The following FAM193A variants were observed in gnomAD, a reference collection of about 807,000 sequenced individuals.
FAM193A encodes family with sequence similarity 193 member A.
Under a neutral mutation model 126.5 loss-of-function variants are expected in FAM193A, and 22 were observed. The ratio of observed to expected loss-of-function variants is 0.17; its 90% confidence interval spans 0.12 to 0.25. FAM193A has a LOEUF of 0.25. Among genes scored for constraint, FAM193A ranks in the 10% least tolerant of loss-of-function variants. The pLI is 1.00. For synonymous variants in FAM193A, 761 were observed against 646.8 expected, an observed-to-expected ratio of 1.18 and a Z score of -2.68; for missense variants, 1,675 against 1,672.8, an observed-to-expected ratio of 1.00 and a Z score of -0.02.
intron 1 of FAM193A, among the ~76,000 whole-genome samples, chr4:2,590,754 G>A (rs530555491): frequency 2.6e-5 from 4 of 152,032 alleles, no homozygotes; most frequent in African/African-American, 7.2e-5. Context: ...TTGGCCAGGC[G>A]CAGTGGCTCA....
chr4:2,591,618 C>T (rs1178289042), intron 1 of FAM193A, among the ~76,000 whole-genome samples: 2 of 152,114 alleles, frequency 1.3e-5, no homozygotes, highest in Non-Finnish European at 2.9e-5. Flanking sequence ...TGTTTTTACC[C>T]TAAGATGACC....
At chr4:2,544,828 C>G (rs1737448324) in intron 1 of FAM193A, among the ~76,000 whole-genome samples, 3 of 152,018 alleles carry the variant, frequency 2.0e-5, no homozygotes, top group Admixed American at 1.3e-4. Flanking sequence ...TGTGGTTGTA[C>G]CACAACAGCA....
At chr4:2,609,796 T>G (rs754977516) in intron 2 of FAM193A, among the ~76,000 whole-genome samples, 8 of 152,042 alleles carry the variant, frequency 5.3e-5, no homozygotes, top group East Asian at 1.9e-4. Flanking sequence ...GGGTGTGGTG[T>G]TGTGCATCTG....
chr4:2,663,596 A>G (rs1351955250), intron 12 of FAM193A, among the ~76,000 whole-genome samples: 1 of 152,160 alleles, frequency 6.6e-6, no homozygotes, highest in Non-Finnish European at 1.5e-5. Flanking sequence ...TTTCCTGTTC[A>G]TTATCTGTTC....
chr4:2,626,223 C>T (rs71608219), intron 3 of FAM193A, among the ~76,000 whole-genome samples, 187 bp from the exon 4 acceptor site: 1,531 of 152,230 alleles, frequency 0.01, 9 homozygotes, highest in Middle Eastern at 0.02. Context: ...TAAGATCTTA[C>T]GCAGAGTGCA....
chr4:2,604,588 G>C (rs1741415686), intron 2 of FAM193A, among the ~76,000 whole-genome samples: 1 of 152,070 alleles, frequency 6.6e-6, no homozygotes, highest in Non-Finnish European at 1.5e-5. Context: ...CCCATCTGTG[G>C]TCGTGCCTTT....
chr4:2,669,054 G>A (rs936649796), intron 12 of FAM193A, among the ~76,000 whole-genome samples: 7 of 151,878 alleles, frequency 4.6e-5, no homozygotes, highest in Admixed American at 4.6e-4. Context: ...TGTTGGCCAG[G>A]CTGGTCTCAA....
At chr4:2,581,313 G>A (rs1739923961) in intron 1 of FAM193A, among the ~76,000 whole-genome samples, 1 of 150,034 alleles carries the variant, frequency 6.7e-6, no homozygotes. Flanking sequence ...GAATGCAGGG[G>A]CACAATCTTG....
chr4:2,699,332 AG>A (rs1028954862), intron 18 of FAM193A, among the ~76,000 whole-genome samples: 3 of 150,508 alleles, frequency 2.0e-5, no homozygotes, highest in African/African-American at 7.3e-5. Context: ...CGCACCTGTG[AG>A]GGGGTAGCTG....
At chr4:2,619,126 A>G (rs1251506765) in intron 2 of FAM193A, among the ~76,000 whole-genome samples, 4 of 151,794 alleles carry the variant, frequency 2.6e-5, no homozygotes, top group African/African-American at 9.7e-5. Context: ...TTTATGTCTT[A>G]TTTCTCAGCT....
At chr4:2,592,684 G>A (rs1740638339) in intron 1 of FAM193A, among the ~76,000 whole-genome samples, 1 of 152,214 alleles carries the variant, frequency 6.6e-6, no homozygotes, top group Non-Finnish European at 1.5e-5. Flanking sequence ...CTTGATTGAG[G>A]AGGCTGAGTT....
intron 2 of FAM193A, among the ~76,000 whole-genome samples, chr4:2,611,755 A>G (rs1342707621): frequency 1.3e-5 from 2 of 151,398 alleles, no homozygotes; most frequent in South Asian, 2.1e-4. Flanking sequence ...CTTCACAAAC[A>G]TTTTCTCTCA....
intron 10 of FAM193A, among the ~76,000 whole-genome samples, chr4:2,661,200 C>T (rs917419590): frequency 2.0e-5 from 3 of 152,150 alleles, no homozygotes; most frequent in South Asian, 2.1e-4. Flanking sequence ...CCTAGGTTCT[C>T]GGGACATCTG....
chr4:2,697,713 A>T (rs888460232), intron 18 of FAM193A, among the ~76,000 whole-genome samples: 1 of 152,248 alleles, frequency 6.6e-6, no homozygotes, highest in African/African-American at 2.4e-5. Context: ...TCGCAGTCCT[A>T]CAGTAGATTT....
chr4:2,667,740 G>A (rs1358864687), intron 12 of FAM193A, among the ~76,000 whole-genome samples: 1 of 151,952 alleles, frequency 6.6e-6, no homozygotes, highest in Non-Finnish European at 1.5e-5. Flanking sequence ...GTATATGTCA[G>A]TATCTGCCTT....
chr4:2,558,145 G>A (rs931818451), intron 1 of FAM193A, among the ~76,000 whole-genome samples: 16 of 152,092 alleles, frequency 1.1e-4, no homozygotes, highest in African/African-American at 3.4e-4. Flanking sequence ...GGTGGCGCAT[G>A]CCTGTAATCT....
chr4:2,679,799 T>C (rs1389667775), intron 13 of FAM193A, among the ~76,000 whole-genome samples: 1 of 152,168 alleles, frequency 6.6e-6, no homozygotes, highest in Non-Finnish European at 1.5e-5. Context: ...ATTAATTCTT[T>C]AAATATTTGG....
At chr4:2,686,903 C>T (rs1315335884) in intron 13 of FAM193A, among the ~76,000 whole-genome samples, 2 of 152,212 alleles carry the variant, frequency 1.3e-5, no homozygotes, top group East Asian at 1.9e-4. Flanking sequence ...CAGCTCTTAG[C>T]TTATCGCTGC....
chr4:2,571,519 T>C (rs1475762304), intron 1 of FAM193A, among the ~76,000 whole-genome samples: 1 of 152,012 alleles, frequency 6.6e-6, no homozygotes, highest in Non-Finnish European at 1.5e-5. Flanking sequence ...TTGAGAGGTA[T>C]GTGTAGAGTG....
Sources: allele counts gnomAD v4.1 joint callset (sites outside exome capture counted in the v4.1 genomes callset), GRCh38; gene constraint gnomAD v4.1.1; transcripts MANE v1.5; gene names NCBI Gene and HGNC (gene_info 2026-07-23, HGNC 2026-07-21).